NAV2: variants seen among roughly 807,000 people sequenced by gnomAD.
NAV2 encodes the protein neuron navigator 2.
In NAV2, 54 loss-of-function variants were observed where a neutral mutation model predicts 223.2. That is an observed-to-expected ratio of 0.24 (90% CI 0.19 to 0.30). The LOEUF is 0.30. Among genes scored for constraint, NAV2 ranks in the 10% least tolerant of loss-of-function variants. The pLI, the probability that NAV2 is intolerant of heterozygous loss-of-function variation, is 1.00. For synonymous variants in NAV2, 1,279 were observed against 1,239.3 expected (o/e 1.03, Z -0.67); for missense variants, 2,806 against 3,147.5 (o/e 0.89, Z 2.60).
intron 6 of NAV2, among the ~76,000 whole-genome samples, chr11:19,900,973 A>G (rs2042397898): frequency 6.6e-6 from 1 of 152,184 alleles, no homozygotes; most frequent in Admixed American, 6.5e-5. Flanking sequence ...CTATAGCCCT[A>G]ATGTTGGGAG....
intron 1 of NAV2, among the ~76,000 whole-genome samples, chr11:19,403,232 C>T (rs1343203687): frequency 6.6e-6 from 1 of 152,150 alleles, no homozygotes; most frequent in African/African-American, 2.4e-5. Context: ...AAGTATCTAC[C>T]GTGTGCCAGG....
intron 10 of NAV2, among the ~76,000 whole-genome samples, chr11:19,974,837 G>A (rs2049571786): frequency 6.6e-6 from 1 of 152,190 alleles, no homozygotes; most frequent in African/African-American, 2.4e-5. Context: ...TGTAATTTCT[G>A]TACAGTGTTA....
chr11:20,091,843 C>A (rs937298599), intron 27 of NAV2, among the ~76,000 whole-genome samples: 1 of 152,108 alleles, frequency 6.6e-6, no homozygotes, highest in African/African-American at 2.4e-5. Context: ...CAATTCATGG[C>A]GTAGAGGAGC....
Position 20,083,083 on chromosome 11 carries a change from A to C in NAV2, c.5402A>C (p.Glu1801Ala). 2.5e-6 allele frequency: 4 copies of C among 1,614,192 alleles called. No homozygotes were observed. Among genetic ancestry groups the C allele is most frequent in the Non-Finnish European group, 3.4e-6 (4 of 1,180,008 alleles). ...GCGTCCTCTCATTCAGATATTGAGG[A>C]GATGACGGATTCTTCTTTGCCTTCC... ...KSASSHSDIE[E>A]MTDSSLPSSP... is the part of the protein sequence containing the mutation. Residue 1801 changes from glutamate to alanine, a missense_variant, in exon 26 of 38, where the codon GAG (glutamate) becomes GCG (alanine). This residue lies in a region of NAV2 where 824 missense variants were observed against 1,069.4 expected (regional missense o/e 0.77). Transcript: ENST00000349880.
intron 1 of NAV2, among the ~76,000 whole-genome samples, chr11:19,658,687 G>A (rs977724654): frequency 1.3e-5 from 2 of 152,200 alleles, no homozygotes; most frequent in African/African-American, 4.8e-5. Context: ...TGGCTCATGA[G>A]AACTAATTGC....
At chr11:20,069,891 C>T (rs973278072) in intron 22 of NAV2, among the ~76,000 whole-genome samples, 9 of 152,200 alleles carry the variant, frequency 5.9e-5, no homozygotes, top group South Asian at 4.1e-4. Context: ...TCTTTAAGGT[C>T]GGCATGTGAC....
chr11:19,770,975 G>T (rs2055673618), intron 1 of NAV2, among the ~76,000 whole-genome samples: 1 of 152,124 alleles, frequency 6.6e-6, no homozygotes, highest in Non-Finnish European at 1.5e-5. Context: ...CCGTTTCAGT[G>T]CAGTTTATAT....
upstream of NAV2, among the ~76,000 whole-genome samples, chr11:19,709,280 C>A (rs6483615): frequency 4.0e-3 from 616 of 152,140 alleles, 2 homozygotes; most frequent in African/African-American, 0.013. Context: ...CGGTGGCTCA[C>A]GCCTGTAATC....
In NAV2 at chr11:19,990,224, G is replaced by A. The variant is rs148913239; in HGVS notation, c.2768+5977G>A. Among the ~76,000 whole-genome samples the A allele has an allele frequency of 2.5e-3, 386 of 152,246 alleles. 1 individual carries two copies. The highest frequency in any genetic ancestry group is 4.3e-3 in the Non-Finnish European group (292 of 68,024). On this transcript the variant is annotated intron_variant, in intron 11 of 37. Transcript: ENST00000349880. The stretch of plus-strand genomic sequence containing the variant: ...GGCCTTCTTGCAAGTTTAGAAAAGG[G>A]ATGCCCATTTGTGAATTCTGACTTA...
At chr11:19,875,819 C>T (rs191118172) in intron 4 of NAV2, among the ~76,000 whole-genome samples, 1 of 152,248 alleles carries the variant, frequency 6.6e-6, no homozygotes, top group East Asian at 1.9e-4. Context: ...TTAGATCATT[C>T]GTGGTTTTCC....
intron 14 of NAV2, among the ~76,000 whole-genome samples, chr11:20,046,596 T>TCACACACACACACACACACACACACA (rs61668060): frequency 6.9e-5 from 10 of 145,862 alleles, no homozygotes; most frequent in African/African-American, 2.5e-5. Context: ...CCCCTCCCCA[T>TCACACACACACACACACACACACACA]CACACACACA....
chr11:19,735,757 G>C (rs2052227098), intron 1 of NAV2, among the ~76,000 whole-genome samples: 1 of 152,220 alleles, frequency 6.6e-6, no homozygotes, highest in Admixed American at 6.5e-5. Context: ...TCTGGTGGGT[G>C]CTTTTTCAAG....
At chr11:19,491,708 C>T (rs565123140) in intron 1 of NAV2, among the ~76,000 whole-genome samples, 1 of 152,344 alleles carries the variant, frequency 6.6e-6, no homozygotes, top group East Asian at 1.9e-4. Flanking sequence ...ACTGGAATAA[C>T]ACTTTTAACT....
chr11:20,075,259 T>C (rs901919595), intron 22 of NAV2, among the ~76,000 whole-genome samples: 1 of 151,252 alleles, frequency 6.6e-6, no homozygotes, highest in Non-Finnish European at 1.5e-5. Context: ...CATCCCGCTC[T>C]GTTGCCCAGG....
At chr11:20,012,716 G>A (rs1200939971) in intron 11 of NAV2, among the ~76,000 whole-genome samples, 4 of 151,770 alleles carry the variant, frequency 2.6e-5, no homozygotes, top group African/African-American at 9.7e-5. Context: ...GCGACCAGGG[G>A]ATAGGGTTGT....
chr11:19,778,234 T>C (rs1171265121), intron 1 of NAV2: 1 of 414,114 alleles, frequency 2.4e-6, no homozygotes, highest in Non-Finnish European at 4.8e-6. Flanking sequence ...GAATTGTTTT[T>C]TTATCGGATA....
intron 1 of NAV2, among the ~76,000 whole-genome samples, chr11:19,359,672 A>G (rs759696202): frequency 6.6e-6 from 1 of 152,224 alleles, no homozygotes; most frequent in Non-Finnish European, 1.5e-5. Context: ...CCAGAAGAGA[A>G]GGTGGAATGC....
intron 36 of NAV2, among the ~76,000 whole-genome samples, chr11:20,111,390 G>A (rs2062627023): frequency 6.6e-6 from 1 of 152,250 alleles, no homozygotes; most frequent in Non-Finnish European, 1.5e-5. Context: ...GGCCTGCAGT[G>A]GAGCTGAGGA....
At chr11:19,464,297 G>A (rs1046980288) in intron 1 of NAV2, among the ~76,000 whole-genome samples, 13 of 152,156 alleles carry the variant, frequency 8.5e-5, no homozygotes, top group South Asian at 2.1e-4. Flanking sequence ...GCTGGGGCCC[G>A]GAAAAATAGC....
Sources: allele counts gnomAD v4.1 joint callset (sites outside exome capture counted in the v4.1 genomes callset), GRCh38; gene constraint gnomAD v4.1.1; regional missense constraint gnomAD v4.1.1; transcripts MANE v1.5; gene names NCBI Gene and HGNC (gene_info 2026-07-23, HGNC 2026-07-21).